Variants in DOK6 observed in about 807,000 individuals in gnomAD.
The protein encoded by DOK6 is downstream of tyrosine kinase 6.
DOK6 carries 22 observed loss-of-function variants against 44.0 expected under a neutral mutation model. The ratio of observed to expected loss-of-function variants is 0.50; its 90% CI spans 0.36 to 0.71. The LOEUF is 0.71. DOK6 is among the 30% of genes least tolerant of loss of function. The pLI is 0.00. For missense variants in DOK6, 340 were observed against 416.4 expected (o/e 0.82, Z 1.60); for synonymous variants, 166 against 145.5 (o/e 1.14, Z -1.01).
intron 7 of DOK6, among the ~76,000 whole-genome samples, chr18:69,759,135 G>A (rs545479161): frequency 6.6e-6 from 1 of 151,340 alleles, no homozygotes; most frequent in East Asian, 1.9e-4. Context: ...ATATTTAACA[G>A]AATAAGGATT....
intron 1 of DOK6, among the ~76,000 whole-genome samples, chr18:69,457,283 T>C (rs1367304481): frequency 1.3e-5 from 2 of 152,200 alleles, no homozygotes; most frequent in Non-Finnish European, 2.9e-5. Context: ...GACATTCAGA[T>C]GTTATATTTA....
chr18:69,435,029 A>AGGAAGGACGGAC (rs1555701492), intron 1 of DOK6, among the ~76,000 whole-genome samples: 2 of 44,068 alleles, frequency 4.5e-5, no homozygotes, highest in Admixed American at 2.1e-4. Flanking sequence ...GAGGGAGGGA[A>AGGAAGGACGGAC]GGAAGGAAGG....
chr18:69,803,697 C>G (rs925727887), intron 7 of DOK6, among the ~76,000 whole-genome samples: 1 of 152,082 alleles, frequency 6.6e-6, no homozygotes, highest in Non-Finnish European at 1.5e-5. Flanking sequence ...CCCGTCTCTA[C>G]TAAAAATACA....
At chr18:69,407,103 A>C (rs1382342064) in intron 1 of DOK6, among the ~76,000 whole-genome samples, 1 of 152,232 alleles carries the variant, frequency 6.6e-6, no homozygotes, top group Non-Finnish European at 1.5e-5. Flanking sequence ...TTTACTATGA[A>C]GCATATATAT....
At chr18:69,565,061 G>A (rs889725129) in intron 2 of DOK6, among the ~76,000 whole-genome samples, 1 of 152,110 alleles carries the variant, frequency 6.6e-6, no homozygotes, top group Admixed American at 6.5e-5. Context: ...TAGAGATAAG[G>A]CATAAATACT....
At chr18:69,558,151 T>A (rs1397752545) in intron 1 of DOK6, among the ~76,000 whole-genome samples, 1 of 152,184 alleles carries the variant, frequency 6.6e-6, no homozygotes, top group African/African-American at 2.4e-5. Flanking sequence ...TTTCTGCTGT[T>A]CAGTCCTGGA....
In DOK6 at chr18:69,617,719, G is replaced by GA. The variant is rs1241650525; in HGVS notation, c.289+18224dup. 7.9e-3 allele frequency among the ~76,000 whole-genome samples: 708 copies of GA among 89,066 alleles called. 11 individuals carry two copies. Among genetic ancestry groups the GA allele is most frequent in the Non-Finnish European group, 0.013 (503 of 37,994 alleles). 58.4% of individuals were successfully genotyped at this position (89,066 alleles called of 152,430 possible). On this transcript the variant is annotated intron_variant, in intron 3 of 7. Transcript: ENST00000382713. ...AAGACGGAAAGAGAAAAGAAAGAAAGAAAGAAAAAAGGGGGAAGGAGGGAA... is the reference window on the plus strand; with the variant it reads ...AAGACGGAAAGAGAAAAGAAAGAAAGAAAAGAAAAAAGGGGGAAGGAGGGAA...
At chr18:69,522,923 G>A (rs1034462892) in intron 1 of DOK6, among the ~76,000 whole-genome samples, 1 of 152,218 alleles carries the variant, frequency 6.6e-6, no homozygotes. Flanking sequence ...AGATCAAAGT[G>A]TGTCTTTTTC....
intron 2 of DOK6, among the ~76,000 whole-genome samples, chr18:69,571,288 CA>C (rs1983108980): frequency 6.6e-6 from 1 of 151,212 alleles, no homozygotes; most frequent in African/African-American, 2.4e-5. Flanking sequence ...AAATAATATT[CA>C]AAAATTCCAG....
At chr18:69,585,599 A>T (rs1033249726) in intron 2 of DOK6, among the ~76,000 whole-genome samples, 6 of 152,182 alleles carry the variant, frequency 3.9e-5, no homozygotes, top group African/African-American at 1.4e-4. Context: ...TAATTTTGTC[A>T]CCTGTGATTA....
chr18:69,671,389 A>T (rs1985795551), intron 3 of DOK6, among the ~76,000 whole-genome samples: 1 of 152,238 alleles, frequency 6.6e-6, no homozygotes, highest in South Asian at 2.1e-4. Flanking sequence ...AGATGCATTT[A>T]GGTGGTAACA....
intron 7 of DOK6, among the ~76,000 whole-genome samples, chr18:69,825,257 TAA>T (rs1981705728): frequency 6.6e-6 from 1 of 152,090 alleles, no homozygotes; most frequent in Non-Finnish European, 1.5e-5. Context: ...CAATTTGCAT[TAA>T]GTCAATGTTA....
chr18:69,687,626 G>A lies in DOK6; in HGVS notation c.409+9773G>A, dbSNP rs373218578. Among the ~76,000 whole-genome samples, 39 of 152,254 alleles carry A rather than the reference G, an allele frequency of 2.6e-4. No individual in the cohort carries two copies. In the East Asian group the frequency reaches 6.0e-3, roughly 23 times the overall value. On this transcript the variant is annotated intron_variant, in intron 4 of 7. Transcript: ENST00000382713. ...GAGCCCAAGAGGCAGAGGTTGCAGC[G>A]AGCCACAATCACGCCACTGCACTGC...
intron 7 of DOK6, among the ~76,000 whole-genome samples, chr18:69,764,142 G>A (rs7237554): frequency 0.53 from 81,101 of 151,916 alleles, 24,749 homozygotes; most frequent in East Asian, 0.7. Flanking sequence ...ACTGTGAAAT[G>A]CTAGATCTGC....
At chr18:69,624,786 C>T (rs1463374815) in intron 3 of DOK6, among the ~76,000 whole-genome samples, 1 of 152,034 alleles carries the variant, frequency 6.6e-6, no homozygotes, top group Admixed American at 6.6e-5. Flanking sequence ...ATATTAGAAG[C>T]CAATTCTTTC....
At chr18:69,830,467 G>A (rs1383758366) in intron 7 of DOK6, among the ~76,000 whole-genome samples, 1 of 152,110 alleles carries the variant, frequency 6.6e-6, no homozygotes, top group Non-Finnish European at 1.5e-5. Flanking sequence ...CAGAGGAAAG[G>A]CCGTGTGAGG....
Position 69,401,277 on chromosome 18 carries a change from G to A in DOK6, c.33G>A (p.Gln11=). 6.3e-7 allele frequency: 1 copy of A among 1,585,770 alleles called. No homozygotes were observed. Among genetic ancestry groups the A allele is most frequent in the Non-Finnish European group, 8.6e-7 (1 of 1,166,702 alleles). The change falls in exon 1 of 8, where the codon CAG becomes CAA. Residue 11 remains glutamine (Q), a synonymous_variant. Transcript: ENST00000382713. MASNFNDIVK[Q]GYVKIRSRKL... ...CCAACTTTAACGACATAGTCAAGCA[G>A]GGCTACGTGAAAATCCGCAGCAGGA...
chr18:69,726,711 T>G (rs1201490487), intron 5 of DOK6, among the ~76,000 whole-genome samples: 4 of 152,038 alleles, frequency 2.6e-5, no homozygotes, highest in African/African-American at 9.7e-5. Context: ...TTCTCGTGGC[T>G]GAGAGGCCTA....
At chr18:69,709,538 T>C (rs1986710846) in intron 5 of DOK6, among the ~76,000 whole-genome samples, 1 of 152,146 alleles carries the variant, frequency 6.6e-6, no homozygotes, top group Non-Finnish European at 1.5e-5. Context: ...ATTTACAAGA[T>C]TTTTTTCTTG....
Sources: gnomAD v4.1 joint callset for allele counts (sites outside exome capture counted in the v4.1 genomes callset) on GRCh38, gnomAD v4.1.1 for gene constraint, MANE v1.5 for transcripts, NCBI Gene and HGNC (gene_info 2026-07-23, HGNC 2026-07-21) for gene names.